The following PARP8 variants were observed in gnomAD, a reference collection of about 807,000 sequenced individuals.
The protein encoded by PARP8 is protein mono-ADP-ribosyltransferase PARP8.
In PARP8, 51 loss-of-function variants were observed where a neutral mutation model predicts 124.1. The ratio of observed to expected loss-of-function variants is 0.41; its 90% CI spans 0.33 to 0.52. The LOEUF is 0.52. Ranked by LOEUF, PARP8 falls within the 20% of genes least tolerant of loss-of-function variation. The pLI is 0.21. For missense variants in PARP8, 860 were observed against 1,018.9 expected (o/e 0.84, Z 2.12); for synonymous variants, 391 against 361.5 (o/e 1.08, Z -0.93).
chr5:50,781,409 T>A (rs1272029635), intron 9 of PARP8, among the ~76,000 whole-genome samples: 2 of 152,096 alleles, frequency 1.3e-5, no homozygotes, highest in Non-Finnish European at 2.9e-5. Context: ...CAGGCAAGAG[T>A]TGAAATTGTT....
intron 2 of PARP8, among the ~76,000 whole-genome samples, chr5:50,698,094 G>A (rs1376792347): frequency 1.3e-5 from 2 of 152,180 alleles, no homozygotes; most frequent in African/African-American, 2.4e-5. Flanking sequence ...GACTATGGAA[G>A]ATATGACCTT....
At chr5:50,708,330 A>G (rs1484379906) in intron 2 of PARP8, among the ~76,000 whole-genome samples, 2 of 151,922 alleles carry the variant, frequency 1.3e-5, no homozygotes, top group Admixed American at 6.6e-5. Context: ...TCTTTTCTGG[A>G]TGCCATATTC....
chr5:50,798,734 C>A (rs1178010304), intron 14 of PARP8, among the ~76,000 whole-genome samples: 4 of 152,044 alleles, frequency 2.6e-5, no homozygotes, highest in Non-Finnish European at 2.9e-5. Context: ...AGCCACCGCA[C>A]CCGGCCGAAG....
At position 50,743,762 on chromosome 5, in the gene PARP8, ATAAAT is replaced by A. The variant is rs1758278628; in HGVS notation, c.147-6388_147-6384del. ...CTCCAAAACATAAATAAATAAATAA[ATAAAT>A]AAAATTAAAAATTAATTGATTAAAT... is the stretch of plus-strand genomic sequence containing the variant. On this transcript the variant is annotated intron_variant, in intron 2 of 25. Transcript: ENST00000281631. Among the ~76,000 whole-genome samples, 4 of 152,184 alleles carry A rather than the reference ATAAAT, an allele frequency of 2.6e-5. No homozygotes were observed. The East Asian group carries it at 7.7e-4, about 29-fold the overall frequency.
intron 2 of PARP8, among the ~76,000 whole-genome samples, chr5:50,707,637 G>C (rs1185428370): frequency 2.7e-5 from 4 of 147,300 alleles, no homozygotes; most frequent in African/African-American, 5.1e-5. Context: ...CAGAGAGAGA[G>C]AGAGAGAGAG....
intron 14 of PARP8, among the ~76,000 whole-genome samples, chr5:50,798,058 T>C (rs1050964960): frequency 2.0e-5 from 3 of 152,242 alleles, no homozygotes; most frequent in African/African-American, 7.2e-5. Flanking sequence ...AATGGAATTG[T>C]ACAGTATGTG....
intron 2 of PARP8, among the ~76,000 whole-genome samples, chr5:50,748,257 G>C (rs896062550): frequency 2.0e-5 from 3 of 151,502 alleles, no homozygotes; most frequent in African/African-American, 7.3e-5. Flanking sequence ...ATTATTTAGG[G>C]TTAATATATC....
chr5:50,706,550 G>C (rs1264642573), intron 2 of PARP8, among the ~76,000 whole-genome samples: 1 of 151,920 alleles, frequency 6.6e-6, no homozygotes, highest in African/African-American at 2.4e-5. Flanking sequence ...CAAAAGTTTG[G>C]ATTTGAGTTC....
chr5:50,836,726 C>T (rs1023582733), intron 25 of PARP8, among the ~76,000 whole-genome samples: 2 of 152,170 alleles, frequency 1.3e-5, no homozygotes, highest in African/African-American at 4.8e-5. Context: ...CAATGCAGGT[C>T]TTGGCCACTG....
At chr5:50,700,345 T>C (rs1463341778) in intron 2 of PARP8, among the ~76,000 whole-genome samples, 5 of 152,218 alleles carry the variant, frequency 3.3e-5, no homozygotes, top group Non-Finnish European at 7.4e-5. Flanking sequence ...CATCTAACTA[T>C]TGATTATTCT....
At chr5:50,705,318 G>A (rs1356483417) in intron 2 of PARP8, among the ~76,000 whole-genome samples, 1 of 152,122 alleles carries the variant, frequency 6.6e-6, no homozygotes, top group African/African-American at 2.4e-5. Context: ...ACAAAAATTG[G>A]TGGGCAAAGA....
chr5:50,844,931 A>C lies in PARP8; in HGVS notation c.*2863A>C, dbSNP rs13163802. On this transcript the variant is annotated 3_prime_UTR_variant, in exon 26 of 26. Coordinates refer to ENST00000281631, the MANE Select transcript of PARP8 (RefSeq NM_024615.4). ...GGTGTCTTCGAGTGCACTATGTTGGAATAAATTTTATACTTGTTGCTTAGT... is the reference window on the plus strand; with the variant it reads ...GGTGTCTTCGAGTGCACTATGTTGGCATAAATTTTATACTTGTTGCTTAGT... 1 of 151,460 alleles carries C rather than the reference A, an allele frequency of 6.6e-6. No homozygotes were observed. The highest frequency in any genetic ancestry group is 2.4e-5 in the African/African-American group (1 of 41,332). The allele number at this position is 151,460 out of a possible 1,614,324, so 9.4% of individuals were successfully genotyped here.
rs147935011 is a variant in PARP8, at chr5:50,736,378, G to A, written c.147-13773G>A. 1.4e-4 allele frequency among the ~76,000 whole-genome samples: 22 copies of A among 152,142 alleles called. 1 individual carries two copies. In the East Asian group the frequency reaches 4.2e-3, roughly 29 times the overall value. The stretch of plus-strand genomic sequence containing the variant: ...GGTGCAGCATCTTTGTAATGGATAT[G>A]CTATTACTTAACCAATGCCTATTTG... On this transcript the variant is annotated intron_variant, in intron 2 of 25. Transcript: ENST00000281631.
intron 7 of PARP8, 65 bp downstream of exon 7, chr5:50,763,307 G>T: frequency 7.5e-7 from 1 of 1,337,012 alleles, no homozygotes; most frequent in Non-Finnish European, 1.1e-6. Flanking sequence ...TTTACTTTTG[G>T]AGTAATTTAA....
chr5:50,811,069 A>G (rs1462523530), intron 14 of PARP8, among the ~76,000 whole-genome samples: 2 of 152,002 alleles, frequency 1.3e-5, no homozygotes, highest in African/African-American at 2.4e-5. Context: ...TCTTCAAACT[A>G]TTGGAGTAGC....
chr5:50,727,258 C>T (rs1489771448), intron 2 of PARP8, among the ~76,000 whole-genome samples: 2 of 152,090 alleles, frequency 1.3e-5, no homozygotes, highest in Non-Finnish European at 2.9e-5. Flanking sequence ...ACTGCAGGCA[C>T]ATTTAGACAC....
intron 19 of PARP8, among the ~76,000 whole-genome samples, chr5:50,827,380 A>C (rs1746464119): frequency 6.6e-6 from 1 of 152,266 alleles, no homozygotes; most frequent in East Asian, 1.9e-4. Context: ...GGAAACACTT[A>C]GAAGATGTTT....
intron 2 of PARP8, among the ~76,000 whole-genome samples, chr5:50,700,122 G>A (rs929871065): frequency 3.3e-5 from 5 of 152,148 alleles, no homozygotes; most frequent in Non-Finnish European, 7.4e-5. Context: ...TGGGATTTAA[G>A]TCTTAAATCA....
chr5:50,790,251 C>T (rs1580350766), intron 10 of PARP8, among the ~76,000 whole-genome samples: 1 of 152,104 alleles, frequency 6.6e-6, no homozygotes, highest in African/African-American at 2.4e-5. Context: ...ATGTAGTGTT[C>T]TCTTATAAGG....
Sources: allele counts gnomAD v4.1 joint callset (sites outside exome capture counted in the v4.1 genomes callset), GRCh38; gene constraint gnomAD v4.1.1; transcripts MANE v1.5; gene names NCBI Gene and HGNC (gene_info 2026-07-23, HGNC 2026-07-21).